Variants in REDIC1 observed in about 807,000 individuals in gnomAD.
REDIC1 encodes regulator of DNA class I crossover intermediates 1.
At chr12:39,717,311 A>C in the REDIC1 span, among the ~76,000 whole-genome samples, 694 of 152,060 alleles carry the variant, frequency 4.6e-3, 3 homozygotes, top group African/African-American at 0.015. Flanking sequence ...TACTGATAAC[A>C]TAAACAGTTG....
chr12:39,651,933 C>G, the REDIC1 span, among the ~76,000 whole-genome samples: 2 of 152,218 alleles, frequency 1.3e-5, no homozygotes, highest in East Asian at 3.9e-4. Flanking sequence ...AACCACTGAT[C>G]TGCTTTGTGT....
At chr12:39,819,959 C>T in the REDIC1 span, 2,295 of 152,330 alleles carry the variant, frequency 0.015, 26 homozygotes, top group Middle Eastern at 0.024. Context: ...AACTCTTTAT[C>T]TTTGCAGGTA....
the REDIC1 span, among the ~76,000 whole-genome samples, chr12:39,885,506 C>T: frequency 6.6e-6 from 1 of 152,110 alleles, no homozygotes; most frequent in East Asian, 1.9e-4. Flanking sequence ...TATGGCATGG[C>T]TTACCTGTTC....
chr12:39,748,123 A>G, the REDIC1 span, among the ~76,000 whole-genome samples: 2 of 113,722 alleles, frequency 1.8e-5, no homozygotes, highest in Non-Finnish European at 3.9e-5. Context: ...ATTAAAAGAC[A>G]CTGGCACATT....
the REDIC1 span, among the ~76,000 whole-genome samples, chr12:39,741,792 AG>A: frequency 2.6e-5 from 4 of 152,202 alleles, no homozygotes; most frequent in African/African-American, 4.8e-5. Context: ...AATTGGTTAA[AG>A]GAGTAAGGCT....
At chr12:39,637,433 C>T in the REDIC1 span, among the ~76,000 whole-genome samples, 1 of 152,096 alleles carries the variant, frequency 6.6e-6, no homozygotes, top group East Asian at 1.9e-4. Flanking sequence ...ACTCCCAATC[C>T]TCTAGTAATT....
the REDIC1 span, among the ~76,000 whole-genome samples, chr12:39,783,313 T>G: frequency 6.6e-6 from 1 of 152,350 alleles, no homozygotes; most frequent in East Asian, 1.9e-4. Context: ...CTATTGTGAA[T>G]AGTGCCGCAA....
chr12:39,697,102 A>G, the REDIC1 span, among the ~76,000 whole-genome samples: 3 of 152,230 alleles, frequency 2.0e-5, no homozygotes, highest in Non-Finnish European at 2.9e-5. Context: ...TAAAGAAAGG[A>G]TGCTAAAAGC....
chr12:39,871,801 C>T, the REDIC1 span: 39 of 1,599,286 alleles, frequency 2.4e-5, no homozygotes, highest in Non-Finnish European at 7.7e-6. Context: ...CACCTACCTG[C>T]TAAACTACCA....
the REDIC1 span, among the ~76,000 whole-genome samples, chr12:39,812,756 G>A: frequency 6.7e-6 from 1 of 149,204 alleles, no homozygotes; most frequent in South Asian, 2.2e-4. Flanking sequence ...ACGGGCGTGA[G>A]TCATTGCACC....
chr12:39,729,545 CT>C, the REDIC1 span, among the ~76,000 whole-genome samples: 1 of 152,122 alleles, frequency 6.6e-6, no homozygotes, highest in Non-Finnish European at 1.5e-5. Context: ...GATTTCCATT[CT>C]TTTGCATTTG....
the REDIC1 span, among the ~76,000 whole-genome samples, chr12:39,711,771 G>GCACATGCATGTGCATGTGTGTGTA: frequency 2.9e-5 from 3 of 104,770 alleles, no homozygotes; most frequent in East Asian, 1.0e-3. Context: ...ATGTGTGTGT[G>GCACATGCATGTGCATGTGTGTGTA]CACATGCATG....
chr12:39,696,674 G>C, the REDIC1 span, among the ~76,000 whole-genome samples: 1 of 141,716 alleles, frequency 7.1e-6, no homozygotes, highest in Admixed American at 7.5e-5. Context: ...TGAAATTCAA[G>C]ATAACAAAGA....
chr12:39,637,612 G>C, the REDIC1 span, among the ~76,000 whole-genome samples: 1 of 152,008 alleles, frequency 6.6e-6, no homozygotes, highest in African/African-American at 2.4e-5. Flanking sequence ...TACTTATGTA[G>C]TAAAATATAT....
the REDIC1 span, among the ~76,000 whole-genome samples, chr12:39,895,758 A>ACG: frequency 1.6e-5 from 1 of 63,838 alleles, no homozygotes; most frequent in African/African-American, 5.3e-5. Context: ...ATGCGTGTAT[A>ACG]CGTACACACA....
the REDIC1 span, among the ~76,000 whole-genome samples, chr12:39,782,678 G>A: frequency 6.6e-6 from 1 of 152,134 alleles, no homozygotes; most frequent in African/African-American, 2.4e-5. Flanking sequence ...AACAGACAAA[G>A]GTTGGAACAG....
chr12:39,801,352 A>G, the REDIC1 span, among the ~76,000 whole-genome samples: 32 of 151,294 alleles, frequency 2.1e-4, no homozygotes, highest in African/African-American at 6.0e-4. Context: ...AAAAAAAAAA[A>G]AAAAAAAAGA....
the REDIC1 span, chr12:39,683,626 A>C: frequency 9.5e-6 from 6 of 631,516 alleles, 1 homozygote; most frequent in Non-Finnish European, 1.4e-5. Flanking sequence ...CCTTACCAGG[A>C]GTCACAGTGT....
the REDIC1 span, chr12:39,646,824 T>C: frequency 1.3e-6 from 2 of 1,515,410 alleles, no homozygotes; most frequent in African/African-American, 2.8e-5. Flanking sequence ...TTAACCTAAA[T>C]TTTTCTTTTC....
Sources: allele counts gnomAD v4.1 joint callset (sites outside exome capture counted in the v4.1 genomes callset), GRCh38; gene constraint gnomAD v4.1.1; transcripts MANE v1.5; gene names NCBI Gene and HGNC (gene_info 2026-07-23, HGNC 2026-07-21).